The following SEMA3A variants were observed in gnomAD, a reference collection of about 807,000 sequenced individuals.
SEMA3A encodes the protein semaphorin 3A, also known as semaphorin-3A.
SEMA3A carries 29 observed loss-of-function variants against 97.9 expected under a neutral mutation model. That is an observed-to-expected ratio of 0.30 (90% CI 0.22 to 0.40). SEMA3A has a LOEUF of 0.40. Among genes scored for constraint, SEMA3A ranks in the 10% least tolerant of loss-of-function variants. The probability of loss-of-function intolerance (pLI) is 1.00; values close to 1 mark genes in which losing one functional copy is unlikely to be tolerated. For missense variants in SEMA3A, 763 were observed against 951.3 expected (o/e 0.80, Z 2.60); for synonymous variants, 321 against 323.7 (o/e 0.99, Z 0.09).
At chr7:84,090,565 T>C (rs36064207) in intron 4 of SEMA3A, among the ~76,000 whole-genome samples, 62,777 of 151,940 alleles carry the variant, frequency 0.41, 14,830 homozygotes, top group Admixed American at 0.52. Flanking sequence ...CATTAAAGCT[T>C]ATGTGTGGAA....
chr7:84,446,894 C>T (rs1345400348), intron 1 of SEMA3A, among the ~76,000 whole-genome samples: 2 of 152,034 alleles, frequency 1.3e-5, no homozygotes, highest in African/African-American at 4.8e-5. Flanking sequence ...GCCCCACCTG[C>T]TTTTAAGTGG....
At chr7:84,365,720 C>G (rs1584267798) in intron 2 of SEMA3A, among the ~76,000 whole-genome samples, 1 of 151,240 alleles carries the variant, frequency 6.6e-6, no homozygotes, top group African/African-American at 2.4e-5. Context: ...CAAAATCACT[C>G]TGATGTTAGT....
At chr7:84,339,280 ACT>A (rs1320575172) in intron 2 of SEMA3A, among the ~76,000 whole-genome samples, 6 of 152,052 alleles carry the variant, frequency 3.9e-5, no homozygotes, top group Non-Finnish European at 8.8e-5. Context: ...GGGAGATCAG[ACT>A]CTCTTTGCAG....
chr7:84,153,671 A>G (rs932668500), intron 1 of SEMA3A, among the ~76,000 whole-genome samples: 2 of 152,128 alleles, frequency 1.3e-5, no homozygotes, highest in Admixed American at 6.5e-5. Flanking sequence ...ATATAGATAT[A>G]CCATTTGAGG....
At chr7:84,032,264 G>T (rs1791788933) in intron 6 of SEMA3A, among the ~76,000 whole-genome samples, 1 of 152,078 alleles carries the variant, frequency 6.6e-6, no homozygotes. Context: ...AAAATAATGA[G>T]TTAGGGACCA....
chr7:84,091,075 A>C (rs2115847193), intron 4 of SEMA3A, among the ~76,000 whole-genome samples: 1 of 142,184 alleles, frequency 7.0e-6, no homozygotes, highest in African/African-American at 2.5e-5. Flanking sequence ...ACTCCAACTC[A>C]AAATGAAAGA....
At chr7:84,197,594 T>C (rs1798260633), upstream of SEMA3A, among the ~76,000 whole-genome samples, 1 of 152,084 alleles carries the variant, frequency 6.6e-6, no homozygotes, top group Admixed American at 6.5e-5. Flanking sequence ...TACCTGAGGA[T>C]AATCAAACTT....
chr7:84,466,688 G>A (rs182487203), intron 1 of SEMA3A, among the ~76,000 whole-genome samples: 62 of 152,278 alleles, frequency 4.1e-4, no homozygotes, highest in African/African-American at 1.3e-3. Context: ...CCATATGCCT[G>A]CACAGGCCAA....
chr7:84,447,383 C>A (rs765100652), intron 1 of SEMA3A, among the ~76,000 whole-genome samples: 9 of 152,156 alleles, frequency 5.9e-5, no homozygotes, highest in Non-Finnish European at 1.2e-4. Flanking sequence ...GGCCTGAAGT[C>A]TTGGGGCCAG....
chr7:84,419,239 C>T (rs2706912), intron 1 of SEMA3A, among the ~76,000 whole-genome samples: 17,442 of 151,982 alleles, frequency 0.11, 1,885 homozygotes, highest in African/African-American at 0.27. Flanking sequence ...CTAAGTAGGG[C>T]CCCTTTGTGA....
intron 6 of SEMA3A, among the ~76,000 whole-genome samples, chr7:84,043,567 G>A (rs1792226940): frequency 6.6e-6 from 1 of 152,040 alleles, no homozygotes; most frequent in Non-Finnish European, 1.5e-5. Context: ...ACGTATGATT[G>A]TATAGTCTAT....
At chr7:84,321,895 A>AAAAAAAAAAAAC (rs1801657262) in intron 2 of SEMA3A, among the ~76,000 whole-genome samples, 1 of 118,164 alleles carries the variant, frequency 8.5e-6, no homozygotes. Flanking sequence ...AAAAAAAAAA[A>AAAAAAAAAAAAC]AAAAGAAGAA....
chr7:84,353,016 A>C (rs1802472193), intron 2 of SEMA3A, among the ~76,000 whole-genome samples: 1 of 151,846 alleles, frequency 6.6e-6, no homozygotes, highest in African/African-American at 2.4e-5. Flanking sequence ...AGGATAACAA[A>C]GTCCACAGAA....
At chr7:84,488,876 G>A (rs1019422935) in intron 1 of SEMA3A, among the ~76,000 whole-genome samples, 3 of 152,066 alleles carry the variant, frequency 2.0e-5, no homozygotes, top group South Asian at 2.1e-4. Context: ...AAGTAGTCCC[G>A]ATAAGATGGT....
At chr7:84,143,288 G>C (rs1343747111) in intron 1 of SEMA3A, among the ~76,000 whole-genome samples, 1 of 152,044 alleles carries the variant, frequency 6.6e-6, no homozygotes, top group Admixed American at 6.6e-5. Flanking sequence ...AAAAAAAGAT[G>C]AAAAGTATAA....
chr7:84,147,368 A>C (rs995846533), intron 1 of SEMA3A, among the ~76,000 whole-genome samples: 2 of 152,184 alleles, frequency 1.3e-5, no homozygotes, highest in Non-Finnish European at 2.9e-5. Context: ...CCCAAGATAC[A>C]TTTTGGGGAG....
rs144955001 is a variant in SEMA3A, at chr7:84,261,958, TAGAG to T, written c.-83+45245_-83+45248del. Among the ~76,000 whole-genome samples the T allele has an allele frequency of 0.013, 1,945 of 152,322 alleles. 62 individuals carry two copies. In the East Asian group the frequency reaches 0.14, roughly 11 times the overall value. On this transcript the variant is annotated intron_variant, in intron 3 of 3. Transcript: ENST00000424555. ...AAGTGAATATTGTTATCTTTTTTCT[TAGAG>T]AGGAAATCCTCTTTTAGCAGATCTG... is the stretch of plus-strand genomic sequence containing the variant.
At chr7:84,108,407 A>G (rs1481661791) in intron 4 of SEMA3A, among the ~76,000 whole-genome samples, 1 of 152,100 alleles carries the variant, frequency 6.6e-6, no homozygotes, top group East Asian at 1.9e-4. Context: ...GAAGGCAGTT[A>G]GAGGTAATAA....
intron 14 of SEMA3A, among the ~76,000 whole-genome samples, chr7:83,980,623 A>AAAAATAT (rs1310318006): frequency 0.047 from 3,340 of 70,444 alleles, 176 homozygotes; most frequent in Non-Finnish European, 0.068. Flanking sequence ...AAAAAAAAAA[A>AAAAATAT]ATATATATAT....
Sources: allele counts gnomAD v4.1 joint callset (sites outside exome capture counted in the v4.1 genomes callset), GRCh38; gene constraint gnomAD v4.1.1; transcripts MANE v1.5; gene names NCBI Gene and HGNC (gene_info 2026-07-23, HGNC 2026-07-21).